PTPRD: variants seen among roughly 807,000 people sequenced by gnomAD.
PTPRD encodes the protein protein tyrosine phosphatase receptor type D.
A neutral mutation model predicts 214.5 loss-of-function variants in PTPRD; 34 were observed. That is an observed-to-expected ratio of 0.16 (90% CI 0.12 to 0.21). PTPRD has a LOEUF of 0.21. Ranked by LOEUF, PTPRD falls within the 10% of genes least tolerant of loss-of-function variation. The pLI is 1.00. For missense variants in PTPRD, 2,545 were observed against 2,398.7 expected, an observed-to-expected ratio of 1.06 and a Z score of -1.27; for synonymous variants, 1,128 against 845.7, an observed-to-expected ratio of 1.33 and a Z score of -5.79.
chr9:9,769,200 A>G (rs2098731298), intron 5 of PTPRD, among the ~76,000 whole-genome samples: 1 of 152,074 alleles, frequency 6.6e-6, no homozygotes, highest in African/African-American at 2.4e-5. Flanking sequence ...TCAAGCTTAC[A>G]GGGTGGACGA....
At chr9:9,307,133 GC>G (rs1488094738) in intron 9 of PTPRD, among the ~76,000 whole-genome samples, 1 of 152,118 alleles carries the variant, frequency 6.6e-6, no homozygotes, top group Non-Finnish European at 1.5e-5. Flanking sequence ...TTAACCAAAA[GC>G]TTTATGGAAG....
chr9:9,273,691 C>T (rs1943851300), intron 9 of PTPRD, among the ~76,000 whole-genome samples: 1 of 151,148 alleles, frequency 6.6e-6, no homozygotes, highest in Non-Finnish European at 1.5e-5. Flanking sequence ...CCATATGACC[C>T]AGTGGGTTAA....
chr9:10,535,491 T>A (rs1350920133), intron 2 of PTPRD, among the ~76,000 whole-genome samples: 2 of 151,816 alleles, frequency 1.3e-5, no homozygotes, highest in African/African-American at 4.8e-5. Context: ...CCAACATCTT[T>A]AAAAAAAAGT....
At chr9:8,504,881 A>G (rs2097508175) in intron 22 of PTPRD, among the ~76,000 whole-genome samples, 2 of 152,238 alleles carry the variant, frequency 1.3e-5, no homozygotes, top group Admixed American at 1.3e-4. Flanking sequence ...CATGACCAGA[A>G]GTAGCAACAG....
intron 30 of PTPRD, among the ~76,000 whole-genome samples, chr9:8,483,754 G>A (rs1257563751): frequency 6.6e-6 from 1 of 151,952 alleles, no homozygotes; most frequent in East Asian, 1.9e-4. Context: ...ACTCCAGCCT[G>A]GGTGACAGGG....
intron 11 of PTPRD, among the ~76,000 whole-genome samples, chr9:8,745,883 G>A (rs2381896): frequency 1.0e-3 from 154 of 151,958 alleles, no homozygotes; most frequent in African/African-American, 3.5e-3. Context: ...CTGCAGCCTG[G>A]AAATCCTGGG....
At chr9:10,306,485 C>T (rs1027299672) in intron 3 of PTPRD, among the ~76,000 whole-genome samples, 1 of 151,946 alleles carries the variant, frequency 6.6e-6, no homozygotes, top group African/African-American at 2.4e-5. Flanking sequence ...AAATAGTTCT[C>T]ATTATTTTTC....
At chr9:9,969,001 G>C (rs1477820176) in intron 4 of PTPRD, among the ~76,000 whole-genome samples, 1 of 152,134 alleles carries the variant, frequency 6.6e-6, no homozygotes, top group South Asian at 2.1e-4. Flanking sequence ...AGATACTGCA[G>C]TTAGTTTAGT....
chr9:9,772,208 C>T (rs1216598162), intron 5 of PTPRD, among the ~76,000 whole-genome samples: 5 of 152,074 alleles, frequency 3.3e-5, no homozygotes, highest in African/African-American at 7.2e-5. Context: ...AGACAGACCA[C>T]ATGAAGACAC....
At chr9:9,721,596 T>A (rs1349215657) in intron 7 of PTPRD, among the ~76,000 whole-genome samples, 1 of 152,184 alleles carries the variant, frequency 6.6e-6, no homozygotes, top group Non-Finnish European at 1.5e-5. Flanking sequence ...ACAGTCATGA[T>A]GCTACGGGAG....
At chr9:9,973,650 C>T (rs1429772794) in intron 4 of PTPRD, among the ~76,000 whole-genome samples, 1 of 152,102 alleles carries the variant, frequency 6.6e-6, no homozygotes. Flanking sequence ...ACATGGGGCA[C>T]TCACAGATAG....
intron 10 of PTPRD, among the ~76,000 whole-genome samples, chr9:9,057,467 T>C (rs56253829): frequency 0.066 from 9,984 of 152,202 alleles, 367 homozygotes; most frequent in Middle Eastern, 0.099. Context: ...GAAAACTATA[T>C]GTTAAAATGG....
At chr9:10,557,428 T>C (rs1171237755) in intron 2 of PTPRD, among the ~76,000 whole-genome samples, 2 of 152,140 alleles carry the variant, frequency 1.3e-5, no homozygotes, top group Non-Finnish European at 2.9e-5. Context: ...TCTTTCATTG[T>C]TATGTTTGAT....
Position 10,425,881 on chromosome 9 carries a change from T to C in PTPRD, c.-599-84864A>G, listed in dbSNP as rs75622312. 4.3e-3 allele frequency among the ~76,000 whole-genome samples: 649 copies of C among 152,100 alleles called. 7 individuals are homozygous for C. The highest frequency in any genetic ancestry group is 0.015 in the African/African-American group (612 of 41,544). On this transcript the variant is annotated intron_variant, in intron 2 of 45. Transcript: ENST00000381196. Reference sequence around the variant, plus strand: ...TATATTCATAAGTCATATACAATTTTTATTTACTTTTCTGAACATCTTATT... The same window carrying C: ...TATATTCATAAGTCATATACAATTTCTATTTACTTTTCTGAACATCTTATT...
At chr9:10,595,184 G>A (rs975494964) in intron 2 of PTPRD, among the ~76,000 whole-genome samples, 1 of 151,840 alleles carries the variant, frequency 6.6e-6, no homozygotes, top group Non-Finnish European at 1.5e-5. Flanking sequence ...ATATTATTGT[G>A]TCTACAGAAA....
At chr9:8,785,798 T>A (rs2095924977) in intron 11 of PTPRD, among the ~76,000 whole-genome samples, 1 of 152,200 alleles carries the variant, frequency 6.6e-6, no homozygotes, top group African/African-American at 2.4e-5. Context: ...GCTGAGGTTA[T>A]AGTCAATATA....
At chr9:9,751,289 C>G (rs915898968) in intron 6 of PTPRD, among the ~76,000 whole-genome samples, 3 of 152,094 alleles carry the variant, frequency 2.0e-5, no homozygotes, top group East Asian at 1.9e-4. Context: ...TTTTAAATCA[C>G]TGCTCAAAGC....
intron 10 of PTPRD, among the ~76,000 whole-genome samples, chr9:9,028,037 A>G (rs1003973590): frequency 6.6e-6 from 1 of 151,962 alleles, no homozygotes; most frequent in African/African-American, 2.4e-5. Flanking sequence ...GTAAGTAAAC[A>G]TATACCCCAC....
intron 2 of PTPRD, among the ~76,000 whole-genome samples, chr9:10,384,443 G>A (rs1192378893): frequency 6.6e-6 from 1 of 151,566 alleles, no homozygotes; most frequent in African/African-American, 2.4e-5. Context: ...AATAAAAAAT[G>A]TTAATTGAAT....
Sources: gnomAD v4.1 joint callset for allele counts (sites outside exome capture counted in the v4.1 genomes callset) on GRCh38, gnomAD v4.1.1 for gene constraint, MANE v1.5 for transcripts, NCBI Gene and HGNC (gene_info 2026-07-23, HGNC 2026-07-21) for gene names.